MAGI2: variants seen among roughly 807,000 people sequenced by gnomAD.
MAGI2 encodes membrane associated guanylate kinase, WW and PDZ domain containing 2.
MAGI2 carries 35 observed loss-of-function variants against 133.3 expected under a neutral mutation model. That is an observed-to-expected ratio of 0.26 (90% CI 0.20 to 0.35). The LOEUF is 0.35. MAGI2 is among the 10% of genes least tolerant of loss of function. The pLI, the probability that MAGI2 is intolerant of heterozygous loss-of-function variation, is 1.00. For missense variants in MAGI2, 1,636 were observed against 1,863.4 expected (o/e 0.88, Z 2.25); for synonymous variants, 729 against 710.6 (o/e 1.03, Z -0.41).
At chr7:78,148,573 ATAAC>A (rs1823547821) in intron 16 of MAGI2, among the ~76,000 whole-genome samples, 1 of 152,200 alleles carries the variant, frequency 6.6e-6, no homozygotes, top group South Asian at 2.1e-4. Flanking sequence ...CTGATGTAGA[ATAAC>A]TAGGAGACAG....
In MAGI2 at chr7:78,506,592, A is replaced by T. The variant is rs117869278; in HGVS notation, c.755-4805T>A. 1.2e-3 allele frequency among the ~76,000 whole-genome samples: 187 copies of T among 152,334 alleles called. No individual in the cohort carries two copies. The Middle Eastern group carries it at 0.024, about 19-fold the overall frequency. On this transcript the variant is annotated intron_variant, in intron 4 of 21. Transcript: ENST00000354212. The stretch of plus-strand genomic sequence containing the variant: ...ATGGAAGCAATGAGAAAATTAAAAA[A>T]ACTTCATGTTGCAAAAGCCAAGCAA...
At chr7:78,928,178 A>G (rs1168797003) in intron 2 of MAGI2, among the ~76,000 whole-genome samples, 2 of 151,974 alleles carry the variant, frequency 1.3e-5, no homozygotes, top group African/African-American at 2.4e-5. Context: ...TTCCTTCCAC[A>G]GGAATTAGTT....
In MAGI2 at chr7:79,307,395, T is replaced by C. The variant is rs1837911683; in HGVS notation, c.301+145625A>G. On this transcript the variant is annotated intron_variant, in intron 1 of 21. Coordinates refer to ENST00000354212, the MANE Select transcript of MAGI2 (RefSeq NM_012301.4). Reference sequence around the variant, plus strand: ...CCAGAGTTAGTGATACTTAGGAGTCTAGGTAAAGAATTACGATATGGATTA... The same window carrying C: ...CCAGAGTTAGTGATACTTAGGAGTCCAGGTAAAGAATTACGATATGGATTA... 1.3e-5 allele frequency among the ~76,000 whole-genome samples: 2 copies of C among 152,150 alleles called. 1 individual carries two copies. The highest frequency in any genetic ancestry group is 3.9e-4 in the East Asian group (2 of 5,188).
At chr7:78,916,697 C>T (rs1264787478) in intron 2 of MAGI2, among the ~76,000 whole-genome samples, 3 of 152,032 alleles carry the variant, frequency 2.0e-5, no homozygotes, top group African/African-American at 7.2e-5. Context: ...AAGATAGTCA[C>T]TTTTGGAGAA....
At chr7:78,670,376 AC>A (rs1814222705) in intron 2 of MAGI2, among the ~76,000 whole-genome samples, 2 of 152,206 alleles carry the variant, frequency 1.3e-5, no homozygotes, top group Admixed American at 1.3e-4. Context: ...GATGTGAAGG[AC>A]CTCTTCAAGG....
chr7:79,340,627 G>A (rs533880337), intron 1 of MAGI2, among the ~76,000 whole-genome samples: 2 of 152,116 alleles, frequency 1.3e-5, no homozygotes, highest in Non-Finnish European at 2.9e-5. Context: ...GGTATTAATT[G>A]TCTGCCAGTT....
chr7:78,361,392 CAA>C (rs34120550), intron 7 of MAGI2, among the ~76,000 whole-genome samples: 5 of 126,752 alleles, frequency 3.9e-5, no homozygotes, highest in Admixed American at 8.2e-5. Flanking sequence ...GACTCCATCT[CAA>C]AAAAAAAAAA....
intron 1 of MAGI2, among the ~76,000 whole-genome samples, chr7:79,260,077 G>A (rs1833965683): frequency 6.6e-6 from 1 of 152,218 alleles, no homozygotes; most frequent in Non-Finnish European, 1.5e-5. Flanking sequence ...GTACAAGGCT[G>A]GGCATGGTGG....
At chr7:78,786,963 TG>T (rs200730184) in intron 2 of MAGI2, among the ~76,000 whole-genome samples, 306 of 147,978 alleles carry the variant, frequency 2.1e-3, no homozygotes, top group Non-Finnish European at 2.3e-3. Flanking sequence ...TTCCTTTTTT[TG>T]TTTTTAGACA....
chr7:79,313,707 T>A (rs1296567708), intron 1 of MAGI2, among the ~76,000 whole-genome samples: 1 of 152,166 alleles, frequency 6.6e-6, no homozygotes, highest in Non-Finnish European at 1.5e-5. Context: ...TTTTTGAAAT[T>A]CTTCAAATCA....
chr7:79,143,163 C>T (rs1353687449), intron 1 of MAGI2, among the ~76,000 whole-genome samples: 1 of 152,164 alleles, frequency 6.6e-6, no homozygotes, highest in African/African-American at 2.4e-5. Context: ...ACATAGTTTT[C>T]ACTCTCTAGA....
At chr7:78,748,357 G>GT (rs1823125872) in intron 2 of MAGI2, among the ~76,000 whole-genome samples, 1 of 152,012 alleles carries the variant, frequency 6.6e-6, no homozygotes, top group Admixed American at 6.6e-5. Flanking sequence ...AGTGATAGAG[G>GT]TTTTTTCTGG....
intron 6 of MAGI2, among the ~76,000 whole-genome samples, chr7:78,430,624 T>C (rs1349026511): frequency 1.3e-5 from 2 of 152,090 alleles, no homozygotes; most frequent in African/African-American, 4.8e-5. Flanking sequence ...ACAGTTGTTA[T>C]AGGAGGAAAT....
chr7:78,717,331 A>G (rs1039041751), intron 2 of MAGI2, among the ~76,000 whole-genome samples: 1 of 152,276 alleles, frequency 6.6e-6, no homozygotes, highest in African/African-American at 2.4e-5. Context: ...AAAATCAGAA[A>G]CAGGAAAGGT....
chr7:78,204,494 AAG>A (rs1482145230), intron 10 of MAGI2, among the ~76,000 whole-genome samples: 5 of 152,222 alleles, frequency 3.3e-5, no homozygotes, highest in Admixed American at 1.3e-4. Context: ...TTTATAGAAA[AAG>A]AGCCATATTC....
intron 2 of MAGI2, among the ~76,000 whole-genome samples, chr7:78,772,071 A>G (rs530887310): frequency 3.3e-5 from 5 of 152,322 alleles, no homozygotes; most frequent in African/African-American, 1.2e-4. Context: ...GTGCTAACCT[A>G]GTATAGTATT....
chr7:79,279,072 C>A (rs914890274), intron 1 of MAGI2, among the ~76,000 whole-genome samples: 8 of 152,134 alleles, frequency 5.3e-5, no homozygotes. Flanking sequence ...GCTGCTCAAT[C>A]TAAAGGAATA....
At chr7:78,134,164 C>T (rs955390370) in intron 17 of MAGI2, 8 of 152,210 alleles carry the variant, frequency 5.3e-5, no homozygotes, top group Non-Finnish European at 7.3e-5. Flanking sequence ...GACAAAACCA[C>T]CCCCGTTGAG....
chr7:78,262,404 C>G (rs1375214874), intron 9 of MAGI2, among the ~76,000 whole-genome samples: 2 of 152,128 alleles, frequency 1.3e-5, no homozygotes, highest in African/African-American at 4.8e-5. Flanking sequence ...GGCTTAATGG[C>G]TGCAAAACAC....
Sources: gnomAD v4.1 joint callset for allele counts (sites outside exome capture counted in the v4.1 genomes callset) on GRCh38, gnomAD v4.1.1 for gene constraint, MANE v1.5 for transcripts, NCBI Gene and HGNC (gene_info 2026-07-23, HGNC 2026-07-21) for gene names.